BLTP1: variants seen among roughly 807,000 people sequenced by gnomAD.
BLTP1 encodes the protein bridge-like lipid transfer protein family member 1.
the BLTP1 span, chr4:122,261,596 T>G: frequency 1.0e-6 from 1 of 984,232 alleles, no homozygotes; most frequent in South Asian, 4.7e-5. Flanking sequence ...CTCCAGAGAA[T>G]TAAATCTTAA....
the BLTP1 span, chr4:122,249,582 T>A: frequency 8.1e-6 from 13 of 1,613,794 alleles, no homozygotes; most frequent in Non-Finnish European, 1.1e-5. Context: ...TGGATGAAAC[T>A]GATCAGCAAG....
At chr4:122,297,647 GGAATCAAC>G in the BLTP1 span, among the ~76,000 whole-genome samples, 2 of 152,124 alleles carry the variant, frequency 1.3e-5, no homozygotes, top group Non-Finnish European at 2.9e-5. Context: ...GCAAAGACAT[GGAATCAAC>G]CTAAATGCCC....
At chr4:122,156,037 G>C in the BLTP1 span, 2 of 895,722 alleles carry the variant, frequency 2.2e-6, no homozygotes, top group South Asian at 1.0e-4. Flanking sequence ...TCTGGCTTGG[G>C]AAACTGAGTA....
At chr4:122,198,210 T>C in the BLTP1 span, 2 of 974,436 alleles carry the variant, frequency 2.1e-6, no homozygotes, top group African/African-American at 3.5e-5. Context: ...GTGTATCTTT[T>C]CCCCATAACT....
chr4:122,289,858 AT>A, the BLTP1 span: 1 of 898,788 alleles, frequency 1.1e-6, no homozygotes, highest in East Asian at 1.2e-4. Flanking sequence ...TTCACTTACA[AT>A]TTTGATGAGT....
chr4:122,262,111 A>G, the BLTP1 span, among the ~76,000 whole-genome samples: 2 of 148,630 alleles, frequency 1.3e-5, no homozygotes, highest in Non-Finnish European at 3.0e-5. Flanking sequence ...GAGTACCTAG[A>G]CTTACTTTTG....
At chr4:122,263,970 A>C in the BLTP1 span, 1 of 416,792 alleles carries the variant, frequency 2.4e-6, no homozygotes, top group Non-Finnish European at 3.2e-6. Context: ...TATCATTCTA[A>C]ACCTTTAGTT....
chr4:122,328,564 A>T, the BLTP1 span: 2 of 740,400 alleles, frequency 2.7e-6, no homozygotes, highest in African/African-American at 1.9e-5. Context: ...ATTATTTTTT[A>T]AATTTAAATT....
the BLTP1 span, among the ~76,000 whole-genome samples, chr4:122,337,584 T>C: frequency 1.3e-5 from 2 of 152,008 alleles, no homozygotes. Context: ...AAATTAAAGC[T>C]CATACTTCTG....
At chr4:122,280,128 A>G in the BLTP1 span, 21 of 1,495,890 alleles carry the variant, frequency 1.4e-5, no homozygotes, top group Middle Eastern at 2.5e-4. Flanking sequence ...AGAGTAGCCA[A>G]TTGTGATCAT....
chr4:122,163,538 A>G, the BLTP1 span, among the ~76,000 whole-genome samples: 1 of 152,216 alleles, frequency 6.6e-6, no homozygotes, highest in Non-Finnish European at 1.5e-5. Context: ...GAGTGCCAAC[A>G]GTATATGGGC....
At chr4:122,226,533 A>G in the BLTP1 span, 3 of 1,430,266 alleles carry the variant, frequency 2.1e-6, no homozygotes, top group Non-Finnish European at 2.7e-6. Flanking sequence ...AAGCATGTAA[A>G]TGATATTAAA....
the BLTP1 span, chr4:122,249,611 G>A: frequency 6.8e-6 from 11 of 1,613,592 alleles, no homozygotes; most frequent in South Asian, 6.6e-5. Context: ...GATGTAACTC[G>A]AATAGGTCCC....
chr4:122,263,667 C>T, the BLTP1 span: 1 of 982,992 alleles, frequency 1.0e-6, no homozygotes. Context: ...TCTTATTTTT[C>T]AGGGGATGGG....
At chr4:122,212,348 T>G in the BLTP1 span, among the ~76,000 whole-genome samples, 1 of 152,176 alleles carries the variant, frequency 6.6e-6, no homozygotes, top group African/African-American at 2.4e-5. Flanking sequence ...TGACCATCGT[T>G]TGACCTAAAA....
At chr4:122,258,893 C>G in the BLTP1 span, 1 of 1,182,822 alleles carries the variant, frequency 8.5e-7, no homozygotes, top group Non-Finnish European at 1.2e-6. Flanking sequence ...ACAGAGAAAA[C>G]CTAAAATTTT....
chr4:122,182,882 A>G, the BLTP1 span: 3 of 985,180 alleles, frequency 3.0e-6, no homozygotes, highest in Admixed American at 6.1e-5. Context: ...TGAATGCCAA[A>G]TAAATACCTG....
At chr4:122,200,991 CTAACA>C in the BLTP1 span, 127,959 of 1,604,430 alleles carry the variant, frequency 0.08, 9,651 homozygotes, top group East Asian at 0.34. Flanking sequence ...TTACTTTTAC[CTAACA>C]TTTGTTTTGC....
chr4:122,305,409 T>C, the BLTP1 span: 1 of 952,920 alleles, frequency 1.0e-6, no homozygotes, highest in East Asian at 1.2e-4. Flanking sequence ...TAAAAATGAA[T>C]GTTCACAGCT....
Sources: gnomAD v4.1 joint callset for allele counts (sites outside exome capture counted in the v4.1 genomes callset) on GRCh38, gnomAD v4.1.1 for gene constraint, MANE v1.5 for transcripts, NCBI Gene and HGNC (gene_info 2026-07-23, HGNC 2026-07-21) for gene names.